Variants in ANAPC2 observed in about 807,000 individuals in gnomAD.
ANAPC2 encodes anaphase-promoting complex subunit 2.
Under a neutral mutation model 84.3 loss-of-function variants are expected in ANAPC2, and 29 were observed. The ratio of observed to expected loss-of-function variants is 0.34; its 90% confidence interval spans 0.26 to 0.47. The LOEUF is 0.47. Among genes scored for constraint, ANAPC2 ranks in the 20% least tolerant of loss-of-function variants. The probability of loss-of-function intolerance (pLI) is 1.00; values close to 1 mark genes in which losing one functional copy is unlikely to be tolerated. For missense variants in ANAPC2, 857 were observed against 1,131.7 expected (o/e 0.76, Z 3.48); for synonymous variants, 571 against 479.4 (o/e 1.19, Z -2.50).
intron 10 of ANAPC2, among the ~76,000 whole-genome samples, chr9:137,178,984 T>C (rs1221103212): frequency 1.3e-5 from 2 of 152,192 alleles, no homozygotes; most frequent in African/African-American, 2.4e-5. Context: ...GCCCTCTTAC[T>C]TGCAAAAGAA....
chr9:137,183,893 G>A (rs1264678262), intron 4 of ANAPC2, 102 bp from the exon 5 acceptor site: 2 of 1,499,976 alleles, frequency 1.3e-6, no homozygotes, highest in Non-Finnish European at 1.8e-6. Context: ...GTGCTTGCCA[G>A]CCCCAGGACG....
chr9:137,175,902 C>T, intron 10 of ANAPC2, 65 bp from the exon 11 acceptor site: 15 of 1,508,724 alleles, frequency 9.9e-6, no homozygotes, highest in South Asian at 6.3e-5. Flanking sequence ...TGGGCTCTGC[C>T]ACCTGGTACC....
rs1165459202 is a variant in ANAPC2, at chr9:137,187,765, T to G, written c.456A>C (p.Glu152Asp). The part of the protein sequence containing the change: ...MGTGAQGLRE[E>D]VHTMLRGVLF... ...AGACTCCGCGCAACATAGTGTGGAC[T>G]TCTTCTCGCAGCCCCTGAGCACCAG... Residue 152 changes from glutamate to aspartate, a missense_variant, in exon 2 of 13, where the codon GAA (glutamate) becomes GAC (aspartate). By Grantham distance (45) the Glu-to-Asp change is conservative. Around this residue, in one of 3 missense-constraint regions of ANAPC2, gnomAD observed 428 missense variants for 513.8 expected, o/e 0.83. Coordinates refer to ENST00000323927, the MANE Select transcript of ANAPC2 (RefSeq NM_013366.4). 6.2e-7 allele frequency: 1 copy of G among 1,613,744 alleles called. No homozygotes were observed. Among genetic ancestry groups the G allele is most frequent in the Admixed American group, 1.7e-5 (1 of 60,024 alleles).
chr9:137,182,665 G>A (rs897277864), intron 6 of ANAPC2, among the ~76,000 whole-genome samples: 1 of 152,064 alleles, frequency 6.6e-6, no homozygotes, highest in Non-Finnish European at 1.5e-5. Flanking sequence ...GGGCCTCTGC[G>A]ACCCCTGAGG....
At position 137,175,416 on chromosome 9, in the gene ANAPC2, G is replaced by A. The variant is rs748020545; in HGVS notation, c.2077C>T (p.Arg693Trp). ...KAVKMPVALL[R>W]RRMSVWLQQG... is the part of the protein sequence containing the mutation. ...TGCAGCCACACGGACATCCGCCGCCGCAGCAGCGCCACGGGCATCTTCACC... is the reference window on the plus strand; with the variant it reads ...TGCAGCCACACGGACATCCGCCGCCACAGCAGCGCCACGGGCATCTTCACC... The change falls in exon 12 of 13, where the codon CGG becomes TGG. Residue 693 changes from arginine to tryptophan, a missense_variant. Transcript: ENST00000323927. 6 of 1,605,940 alleles carry A rather than the reference G, an allele frequency of 3.7e-6. No homozygotes were observed. The highest frequency in any genetic ancestry group is 1.7e-5 in the Admixed American group (1 of 59,328).
At position 137,174,920 on chromosome 9, in the gene ANAPC2, G is replaced by C; in HGVS notation, c.*22C>G. The C allele has an allele frequency of 6.8e-7, 1 of 1,476,592 alleles. No individual in the cohort carries two copies. Among genetic ancestry groups the C allele is most frequent in the Non-Finnish European group, 9.0e-7 (1 of 1,112,998 alleles). The allele number at this position is 1,476,592 out of a possible 1,614,324, so 91.5% of individuals were successfully genotyped here. On this transcript the variant is annotated 3_prime_UTR_variant, in exon 13 of 13. Coordinates refer to ENST00000323927, the MANE Select transcript of ANAPC2 (RefSeq NM_013366.4). The surrounding 1 kb of genome is among the most constrained non-coding windows in gnomAD (Gnocchi z 6.1). ...ACCTGCAGGGCAGCGCCTGGCGGGCGGGCGGGCGGGCGGGCGATGTGTCAG... is the reference window on the plus strand; with the variant it reads ...ACCTGCAGGGCAGCGCCTGGCGGGCCGGCGGGCGGGCGGGCGATGTGTCAG...
intron 7 of ANAPC2, among the ~76,000 whole-genome samples, chr9:137,181,161 G>C (rs557148384): frequency 6.6e-6 from 1 of 152,244 alleles, no homozygotes; most frequent in Non-Finnish European, 1.5e-5. Flanking sequence ...CTCCCATGCA[G>C]GCTTAGGGGA....
rs113517964 is a variant in ANAPC2 at position 137,180,041 on chromosome 9, T to C, written c.1890+140A>G. 1,180 of 906,718 alleles carry C rather than the reference T, an allele frequency of 1.3e-3. 8 individuals carry two copies. In the African/African-American group the frequency reaches 0.018, roughly 14 times the overall value. The allele number at this position is 906,718 out of a possible 1,614,324, so 56.2% of individuals were successfully genotyped here. ...CGTGGGCCAGGCCCACTCCCTCTCC[T>C]GCAGAGGCGGCTGCGAGACAGGACC... On this transcript the variant is annotated intron_variant, in intron 10 of 12. Coordinates refer to ENST00000323927, the MANE Select transcript of ANAPC2 (RefSeq NM_013366.4).
chr9:137,187,222 A>G, intron 2 of ANAPC2: 2 of 496,616 alleles, frequency 4.0e-6, no homozygotes, highest in African/African-American at 1.9e-5. Context: ...TGGAGTTGCT[A>G]AGAAATTTGC....
At chr9:137,183,325 C>T (rs1170343661) in intron 5 of ANAPC2, 83 bp from the exon 6 acceptor site, 1 of 1,194,596 alleles carries the variant, frequency 8.4e-7, no homozygotes, top group Non-Finnish European at 1.2e-6. Context: ...GACAGCTGGC[C>T]ATGCCGGTAG....
chr9:137,187,010 G>C (rs989630816), intron 2 of ANAPC2: 1 of 177,932 alleles, frequency 5.6e-6, no homozygotes, highest in African/African-American at 2.4e-5. Flanking sequence ...ACTACAACAG[G>C]ACCTGTCTCT....
intron 7 of ANAPC2, 70 bp downstream of exon 7, chr9:137,181,611 A>G (rs987251006): frequency 5.0e-6 from 7 of 1,411,572 alleles, no homozygotes; most frequent in Non-Finnish European, 6.6e-6. Flanking sequence ...ACAAGGGATG[A>G]GTCCAGAGCG....
At chr9:137,183,621 C>A in intron 5 of ANAPC2, 51 bp downstream of exon 5, 1 of 1,580,374 alleles carries the variant, frequency 6.3e-7, no homozygotes, top group East Asian at 2.3e-5. Context: ...CATGGGTCCC[C>A]TGGTGAGTGT....
At chr9:137,180,698 C>T (rs1204728813) in intron 8 of ANAPC2, 90 bp downstream of exon 8, 43 of 1,570,590 alleles carry the variant, frequency 2.7e-5, no homozygotes, top group Non-Finnish European at 3.5e-5. Flanking sequence ...TCCAACCAGG[C>T]CCCAGGCACG....
At position 137,187,946 on chromosome 9, in the gene ANAPC2, C is replaced by G; in HGVS notation, c.275G>C (p.Trp92Ser). ...GTTCTCGCATTGGGAGATGGCATTC[C>G]AGAACTCAGGGGAGATGTTGGCCTG... ...DLQANISPEFWNAISQCENSA... is the reference protein window; with the variant it reads ...DLQANISPEFSNAISQCENSA... Residue 92 changes from tryptophan (W) to serine (S), a missense_variant, in exon 2 of 13, where the codon TGG becomes TCG. Trp to Ser is a radical substitution (Grantham distance 177). Coordinates refer to ENST00000323927, the MANE Select transcript of ANAPC2 (RefSeq NM_013366.4). 6.2e-7 allele frequency: 1 copy of G among 1,613,890 alleles called. No individual in the cohort carries two copies. Among genetic ancestry groups the G allele is most frequent in the Non-Finnish European group, 8.5e-7 (1 of 1,180,042 alleles).
At position 137,187,582 on chromosome 9, in the gene ANAPC2, G is replaced by A. The variant is rs761406934; in HGVS notation, c.639C>T (p.Tyr213=). The part of the protein sequence containing the change: ...LDSRYARRRY[Y]RLLQSPLCAG... ...CACACAGCGGGCTCTGCAGGAGCCG[G>A]TAGTACCGGCGACGGGCATACCGGC... Residue 213 remains tyrosine, a synonymous_variant, in exon 2 of 13, where the codon TAC becomes TAT. Transcript: ENST00000323927. 19 of 1,613,978 alleles carry A rather than the reference G, an allele frequency of 1.2e-5. No homozygotes were observed. The highest frequency in any genetic ancestry group is 1.5e-5 in the Non-Finnish European group (18 of 1,180,036).
At chr9:137,184,768 A>T in intron 4 of ANAPC2, 145 bp downstream of exon 4, 1 of 1,068,638 alleles carries the variant, frequency 9.4e-7, no homozygotes, top group Non-Finnish European at 1.3e-6. Context: ...GACACGGCAA[A>T]GGCCCTGGGA....
rs1461149220 is a variant in ANAPC2 at position 137,175,430 on chromosome 9, G to A, written c.2063C>T (p.Pro688Leu). 2.5e-6 allele frequency: 4 copies of A among 1,602,018 alleles called. No homozygotes were observed. Among genetic ancestry groups the A allele is most frequent in the Non-Finnish European group, 3.4e-6 (4 of 1,175,340 alleles). ...CATCCGCCGCCGCAGCAGCGCCACGGGCATCTTCACCGCCTTGCTCAGTTC... is the reference window on the plus strand; with the variant it reads ...CATCCGCCGCCGCAGCAGCGCCACGAGCATCTTCACCGCCTTGCTCAGTTC... ...LEELSKAVKMPVALLRRRMSV... is the reference protein window; with the variant it reads ...LEELSKAVKMLVALLRRRMSV... Residue 688 changes from proline to leucine, a missense_variant, in exon 12 of 13, where the codon CCC (proline) becomes CTC (leucine). Physicochemically the swap from Pro to Leu is moderately conservative, Grantham distance 98. Around this residue, in one of 3 missense-constraint regions of ANAPC2, gnomAD observed 425 missense variants for 595.5 expected, o/e 0.71. Coordinates refer to ENST00000323927, the MANE Select transcript of ANAPC2 (RefSeq NM_013366.4).
chr9:137,184,338 A>C (rs576619273), intron 4 of ANAPC2, among the ~76,000 whole-genome samples: 134 of 150,122 alleles, frequency 8.9e-4, no homozygotes, highest in African/African-American at 3.2e-3. Flanking sequence ...AGACACGACG[A>C]AGGCCCTGGG....
Sources: gnomAD v4.1 joint callset for allele counts (sites outside exome capture counted in the v4.1 genomes callset) on GRCh38, gnomAD v4.1.1 for gene constraint, gnomAD v4.1.1 regional missense constraint, Gnocchi (gnomAD v3.1) non-coding constraint, MANE v1.5 for transcripts, NCBI Gene and HGNC (gene_info 2026-07-23, HGNC 2026-07-21) for gene names.